RICTOR: variants seen among roughly 807,000 people sequenced by gnomAD.
RICTOR encodes the protein rapamycin-insensitive companion of mTOR.
A neutral mutation model predicts 214.9 loss-of-function variants in RICTOR; 49 were observed. The ratio of observed to expected loss-of-function variants is 0.23; its 90% CI spans 0.18 to 0.29. RICTOR has a LOEUF of 0.29. RICTOR is among the 10% of genes least tolerant of loss of function. The pLI is 1.00. For missense variants in RICTOR, 1,625 were observed against 2,047.0 expected (o/e 0.79, Z 3.98); for synonymous variants, 717 against 711.3 (o/e 1.01, Z -0.13).
Position 38,940,793 on chromosome 5 carries a change from G to C in RICTOR, c.*1511C>G, listed in dbSNP as rs942322991. 3.9e-5 allele frequency: 9 copies of C among 231,988 alleles called. No individual in the cohort carries two copies. The highest frequency in any genetic ancestry group is 6.0e-5 in the Non-Finnish European group (7 of 117,344). The allele number at this position is 231,988 out of a possible 1,614,324, so 14.4% of individuals were successfully genotyped here. A position where few individuals can be genotyped will look rare whatever the true frequency, so the allele number is the denominator to read the frequency against. Reference sequence around the variant, plus strand: ...ATTTTTTAAAAAAGTATCTCTGTGAGTTATGTTTTCTAGTTCACAGGGTTC... The same window carrying C: ...ATTTTTTAAAAAAGTATCTCTGTGACTTATGTTTTCTAGTTCACAGGGTTC... On this transcript the variant is annotated 3_prime_UTR_variant, in exon 38 of 38. Coordinates refer to ENST00000357387, the MANE Select transcript of RICTOR (RefSeq NM_152756.5).
At chr5:38,959,511 T>C (rs1445868301) in intron 21 of RICTOR, among the ~76,000 whole-genome samples, 190 bp from the exon 22 acceptor site, 1 of 152,166 alleles carries the variant, frequency 6.6e-6, no homozygotes, top group Non-Finnish European at 1.5e-5. Flanking sequence ...ACATCAATCA[T>C]CATACATAGT....
In RICTOR at chr5:38,953,458, A is replaced by G. The variant is rs1300033099; in HGVS notation, c.2790+3T>C. 1 of 1,396,478 alleles carries G rather than the reference A, an allele frequency of 7.2e-7. No individual in the cohort carries two copies. The highest frequency in any genetic ancestry group is 9.6e-7 in the Non-Finnish European group (1 of 1,036,850). The allele number at this position is 1,396,478 out of a possible 1,614,324, so 86.5% of individuals were successfully genotyped here. A position where few individuals can be genotyped will look rare whatever the true frequency, so the allele number is the denominator to read the frequency against. On this transcript the variant is annotated splice_donor_region_variant and intron_variant, in intron 28 of 37. Coordinates refer to ENST00000357387, the MANE Select transcript of RICTOR (RefSeq NM_152756.5). ...AGATCTTACAGAAGTGTTTATTACA[A>G]ACCAAGGCCCAAAGAGATGCTTTCA...
At chr5:38,962,204 T>C (rs1749853724) in intron 19 of RICTOR, 111 bp downstream of exon 19, 1 of 437,172 alleles carries the variant, frequency 2.3e-6, no homozygotes, top group African/African-American at 2.1e-5. Context: ...GAAGAGACAT[T>C]GTTAAAATGT....
intron 15 of RICTOR, among the ~76,000 whole-genome samples, chr5:38,965,774 C>T (rs115942392): frequency 0.017 from 2,589 of 151,968 alleles, 24 homozygotes; most frequent in Non-Finnish European, 0.026. Context: ...ACTCACATAG[C>T]CCAGTTGCTA....
intron 3 of RICTOR, among the ~76,000 whole-genome samples, chr5:39,011,735 T>G (rs1017233320): frequency 6.6e-6 from 1 of 152,216 alleles, no homozygotes; most frequent in Admixed American, 6.5e-5. Context: ...GTTTTGGACT[T>G]GCATGGGGCC....
chr5:39,060,577 A>G (rs1418701919), intron 2 of RICTOR, among the ~76,000 whole-genome samples: 1 of 151,952 alleles, frequency 6.6e-6, no homozygotes, highest in African/African-American at 2.4e-5. Context: ...CATAATGATG[A>G]CCCTAGCCAA....
At chr5:39,028,052 CATTA>C (rs1755972411) in intron 2 of RICTOR, among the ~76,000 whole-genome samples, 1 of 151,488 alleles carries the variant, frequency 6.6e-6, no homozygotes, top group Admixed American at 6.6e-5. Context: ...TGCCTAACAT[CATTA>C]ATTAACAGGA....
chr5:39,016,325 A>G (rs770078739), intron 3 of RICTOR, among the ~76,000 whole-genome samples: 1 of 142,788 alleles, frequency 7.0e-6, no homozygotes. Flanking sequence ...GAGAGGGGGA[A>G]CAGAGAAGGG....
chr5:39,041,010 A>G (rs1462575001), intron 2 of RICTOR, among the ~76,000 whole-genome samples: 1 of 152,256 alleles, frequency 6.6e-6, no homozygotes, highest in Non-Finnish European at 1.5e-5. Context: ...TCACTAGAGT[A>G]TAAGACAAGT....
At position 38,959,662 on chromosome 5, in the gene RICTOR, C is replaced by T. The variant is rs1276682388; in HGVS notation, c.2051+117G>A. The T allele has an allele frequency of 1.1e-5, 7 of 653,856 alleles. No individual in the cohort carries two copies. In the South Asian group the frequency reaches 1.6e-4, roughly 14 times the overall value. 40.5% of individuals were successfully genotyped at this position (653,856 alleles called of 1,614,324 possible). On this transcript the variant is annotated intron_variant, in intron 21 of 37. Coordinates refer to ENST00000357387, the MANE Select transcript of RICTOR (RefSeq NM_152756.5). ...AAAGAATATTAAAGCAAAGATAATG[C>T]TAATTTAAAATAAAACTTAACCAAA...
intron 9 of RICTOR, among the ~76,000 whole-genome samples, chr5:38,977,817 C>T (rs1751370863): frequency 1.3e-5 from 2 of 151,950 alleles, no homozygotes; most frequent in African/African-American, 4.8e-5. Context: ...AAACTCCTGA[C>T]CTCAGGCGGT....
chr5:38,961,543 A>G (rs1749796675), intron 19 of RICTOR, among the ~76,000 whole-genome samples: 1 of 152,162 alleles, frequency 6.6e-6, no homozygotes, highest in Admixed American at 6.6e-5. Context: ...TTCATGCACT[A>G]CAATTCAATC....
At chr5:39,048,950 A>T (rs571434471) in intron 2 of RICTOR, among the ~76,000 whole-genome samples, 1 of 152,354 alleles carries the variant, frequency 6.6e-6, no homozygotes, top group South Asian at 2.1e-4. Context: ...AGAGGTAAAC[A>T]GCAAAGAAAA....
intron 3 of RICTOR, among the ~76,000 whole-genome samples, chr5:39,010,524 G>A (rs1754427024): frequency 2.6e-5 from 4 of 152,178 alleles, no homozygotes; most frequent in Admixed American, 6.5e-5. Flanking sequence ...GAAGACAGAG[G>A]AAAATGTGGG....
rs2150054698 is a variant in RICTOR at position 38,978,565 on chromosome 5, G to C, written c.821+18C>G. On this transcript the variant is annotated intron_variant, in intron 9 of 37. Transcript: ENST00000357387. ...ATATACATTATCTTAAAAATTATTAGGAACCAATGTTACTTACTTGAGCTG... is the reference window on the plus strand; with the variant it reads ...ATATACATTATCTTAAAAATTATTACGAACCAATGTTACTTACTTGAGCTG... 7.2e-7 allele frequency: 1 copy of C among 1,389,652 alleles called. No individual in the cohort carries two copies. Among genetic ancestry groups the C allele is most frequent in the South Asian group, 1.2e-5 (1 of 80,374 alleles). 86.1% of individuals were successfully genotyped at this position (1,389,652 alleles called of 1,614,324 possible).
At chr5:38,964,241 T>G (rs1425415425) in intron 16 of RICTOR, among the ~76,000 whole-genome samples, 1 of 151,854 alleles carries the variant, frequency 6.6e-6, no homozygotes, top group Non-Finnish European at 1.5e-5. Context: ...TCATTACCTT[T>G]TATATATATT....
At chr5:39,007,823 A>G (rs1288582405) in intron 3 of RICTOR, among the ~76,000 whole-genome samples, 2 of 150,400 alleles carry the variant, frequency 1.3e-5, no homozygotes, top group East Asian at 1.9e-4. Context: ...TAAATATTGT[A>G]TATTACTATA....
intron 3 of RICTOR, among the ~76,000 whole-genome samples, chr5:39,012,813 A>T (rs1355579868): frequency 6.6e-6 from 1 of 152,018 alleles, no homozygotes; most frequent in Non-Finnish European, 1.5e-5. Context: ...TGGGTTTGGC[A>T]CTCCCCATGC....
intron 2 of RICTOR, among the ~76,000 whole-genome samples, chr5:39,043,720 G>A (rs963398981): frequency 5.9e-5 from 9 of 152,160 alleles, no homozygotes; most frequent in African/African-American, 1.9e-4. Context: ...GCTGTATTGA[G>A]AGGTGGGGTC....
Sources: gnomAD v4.1 joint callset for allele counts (sites outside exome capture counted in the v4.1 genomes callset) on GRCh38, gnomAD v4.1.1 for gene constraint, MANE v1.5 for transcripts, NCBI Gene and HGNC (gene_info 2026-07-23, HGNC 2026-07-21) for gene names.